DCC: variants seen among roughly 807,000 people sequenced by gnomAD.
DCC encodes the protein DCC netrin 1 receptor.
In DCC, 58 loss-of-function variants were observed where a neutral mutation model predicts 172.5. The observed-to-expected ratio is 0.34, with a 90% CI of 0.27 to 0.42. DCC has a LOEUF of 0.42. Among genes scored for constraint, DCC ranks in the 10% least tolerant of loss-of-function variants. DCC has a pLI of 1.00. For synonymous variants in DCC, 709 were observed against 644.5 expected (o/e 1.10, Z -1.52); for missense variants, 1,740 against 1,791.0 (o/e 0.97, Z 0.51).
chr18:52,492,394 A>G (rs1338397610), intron 1 of DCC, among the ~76,000 whole-genome samples: 3 of 151,964 alleles, frequency 2.0e-5, no homozygotes, highest in African/African-American at 4.8e-5. Flanking sequence ...CATGATGGAG[A>G]GATAAGATCA....
chr18:52,379,247 G>GT (rs61660264), intron 1 of DCC, among the ~76,000 whole-genome samples: 1,792 of 148,854 alleles, frequency 0.012, 40 homozygotes, highest in African/African-American at 0.041. Flanking sequence ...AAAGCATAAT[G>GT]TTTTTTTTTT....
chr18:53,373,994 G>T (rs1421501368), intron 15 of DCC, among the ~76,000 whole-genome samples: 2 of 152,182 alleles, frequency 1.3e-5, no homozygotes, highest in Non-Finnish European at 2.9e-5. Flanking sequence ...ATAGTAACAG[G>T]AATCCTTTAC....
intron 27 of DCC, among the ~76,000 whole-genome samples, chr18:53,515,362 G>C (rs1274022128): frequency 8.0e-5 from 12 of 150,600 alleles, no homozygotes; most frequent in African/African-American, 2.7e-4. Flanking sequence ...GGCAAAAACT[G>C]GAAGCATTCC....
chr18:52,344,544 C>A (rs140229261), intron 1 of DCC, among the ~76,000 whole-genome samples: 1 of 152,178 alleles, frequency 6.6e-6, no homozygotes, highest in Non-Finnish European at 1.5e-5. Flanking sequence ...ATGTTTGCAG[C>A]TGCACGCAGT....
intron 21 of DCC, among the ~76,000 whole-genome samples, chr18:53,418,269 A>G (rs1385254841): frequency 6.6e-6 from 1 of 152,192 alleles, no homozygotes; most frequent in Non-Finnish European, 1.5e-5. Context: ...ATTCTTACAA[A>G]GAAAGCATAT....
chr18:52,799,819 A>G (rs2037949822), intron 2 of DCC, among the ~76,000 whole-genome samples: 1 of 152,188 alleles, frequency 6.6e-6, no homozygotes, highest in Non-Finnish European at 1.5e-5. Context: ...CTAGCAATAT[A>G]ATAATAATGC....
At chr18:53,118,786 A>G (rs2043442466) in intron 7 of DCC, among the ~76,000 whole-genome samples, 1 of 151,786 alleles carries the variant, frequency 6.6e-6, no homozygotes, top group Non-Finnish European at 1.5e-5. Context: ...TTAACAGTTC[A>G]AATTAGAACT....
In DCC at chr18:52,388,632, A is replaced by G. The variant is rs1382386196; in HGVS notation, c.91+47754A>G. Among the ~76,000 whole-genome samples the G allele has an allele frequency of 2.6e-5, 4 of 151,426 alleles. No individual in the cohort carries two copies. The South Asian group carries it at 6.3e-4, about 24-fold the overall frequency. ...TTTCAGCAAAGTTTTTATTTGGGCC[A>G]TCAACTTTCTGTCAGCTTCCTGCAG... On this transcript the variant is annotated intron_variant, in intron 1 of 28. Coordinates refer to ENST00000442544, the MANE Select transcript of DCC (RefSeq NM_005215.4).
intron 5 of DCC, among the ~76,000 whole-genome samples, chr18:53,047,294 ATATATATATATATAATTT>A (rs2042258944): frequency 1.4e-4 from 3 of 20,868 alleles, no homozygotes; most frequent in African/African-American, 8.1e-4. Context: ...ATATAATTTT[ATATATATATATATAATTT>A]TATATATATA....
chr18:52,715,836 G>A (rs1431434827), intron 1 of DCC, among the ~76,000 whole-genome samples: 1 of 151,938 alleles, frequency 6.6e-6, no homozygotes, highest in African/African-American at 2.4e-5. Flanking sequence ...TGAAGGAGCT[G>A]TCTTTTCTGG....
chr18:52,783,323 CTTTTTTTTTTTTTTTTTTTTTTTTTTTTT>C (rs374129823), intron 2 of DCC, among the ~76,000 whole-genome samples: 2 of 59,270 alleles, frequency 3.4e-5, no homozygotes, highest in Non-Finnish European at 2.8e-5. Flanking sequence ...TACTACTACT[CTTTTTTTTTTTTTTTTTTTTTTTTTTTTT>C]TTTTTTTTTA....
chr18:52,662,656 T>C (rs2035383465), intron 1 of DCC, among the ~76,000 whole-genome samples: 1 of 126,636 alleles, frequency 7.9e-6, no homozygotes, highest in Non-Finnish European at 1.7e-5. Context: ...AAACAAGGGA[T>C]GGAAGGAAGG....
chr18:53,108,581 C>CA (rs912267305), intron 7 of DCC, among the ~76,000 whole-genome samples: 8 of 151,598 alleles, frequency 5.3e-5, no homozygotes, highest in South Asian at 2.1e-4. Context: ...AAAGAAAAAC[C>CA]AAAAAACTTG....
At chr18:52,524,853 A>G (rs574629946) in intron 1 of DCC, among the ~76,000 whole-genome samples, 1 of 152,208 alleles carries the variant, frequency 6.6e-6, no homozygotes, top group South Asian at 2.1e-4. Flanking sequence ...AAGGGTAATT[A>G]TTCCTATGCC....
chr18:52,551,917 CT>C (rs916829125), intron 1 of DCC, among the ~76,000 whole-genome samples: 1 of 151,964 alleles, frequency 6.6e-6, no homozygotes, highest in Non-Finnish European at 1.5e-5. Flanking sequence ...TTCTATCTTC[CT>C]TTTGTTGTAT....
chr18:52,349,121 G>A (rs531486511), intron 1 of DCC, among the ~76,000 whole-genome samples: 91 of 152,240 alleles, frequency 6.0e-4, no homozygotes, highest in Admixed American at 1.8e-3. Flanking sequence ...CAATATCATT[G>A]TTACATTTAT....
intron 1 of DCC, among the ~76,000 whole-genome samples, chr18:52,720,724 G>A (rs989279061): frequency 2.6e-5 from 4 of 152,200 alleles, no homozygotes; most frequent in African/African-American, 9.7e-5. Context: ...AAAATAATTT[G>A]TATGACCATT....
chr18:52,895,557 G>A (rs1051650961), intron 2 of DCC, among the ~76,000 whole-genome samples: 2 of 152,008 alleles, frequency 1.3e-5, no homozygotes, highest in African/African-American at 4.8e-5. Flanking sequence ...AGAAAAAAAT[G>A]AGCAATATAA....
At chr18:53,231,979 T>C (rs970485457) in intron 12 of DCC, among the ~76,000 whole-genome samples, 7 of 152,148 alleles carry the variant, frequency 4.6e-5, no homozygotes, top group Admixed American at 2.0e-4. Flanking sequence ...ACTTTTCTAA[T>C]GACAGGGATA....
Sources: allele counts gnomAD v4.1 joint callset (sites outside exome capture counted in the v4.1 genomes callset), GRCh38; gene constraint gnomAD v4.1.1; transcripts MANE v1.5; gene names NCBI Gene and HGNC (gene_info 2026-07-23, HGNC 2026-07-21).